Variants in RBMS3 observed in about 807,000 individuals in gnomAD.
The protein encoded by RBMS3 is RNA-binding motif, single-stranded-interacting protein 3.
A neutral mutation model predicts 66.8 loss-of-function variants in RBMS3; 27 were observed. The ratio of observed to expected loss-of-function variants is 0.40; its 90% CI spans 0.30 to 0.56. RBMS3 has a LOEUF of 0.56. Ranked by LOEUF, RBMS3 falls within the 20% of genes least tolerant of loss-of-function variation. RBMS3 has a pLI of 0.40. For synonymous variants in RBMS3, 188 were observed against 183.0 expected (o/e 1.03, Z -0.22); for missense variants, 513 against 549.5 (o/e 0.93, Z 0.66).
chr3:29,546,361 G>A (rs2045949147), intron 3 of RBMS3, among the ~76,000 whole-genome samples: 1 of 152,058 alleles, frequency 6.6e-6, no homozygotes, highest in Admixed American at 6.6e-5. Flanking sequence ...AGCGCCTGTA[G>A]GTTGTGGTAT....
At chr3:29,333,416 C>G (rs62241718) in intron 1 of RBMS3, among the ~76,000 whole-genome samples, 53,090 of 151,960 alleles carry the variant, frequency 0.35, 10,292 homozygotes, top group Non-Finnish European at 0.44. Context: ...GGTGGCTTAA[C>G]AATTCATGGG....
intron 4 of RBMS3, among the ~76,000 whole-genome samples, chr3:29,731,721 A>T (rs143502980): frequency 7.9e-4 from 120 of 152,218 alleles, no homozygotes; most frequent in Non-Finnish European, 1.4e-3. Context: ...GTATGTCCTC[A>T]TTTCTTCATA....
At chr3:29,495,767 G>T (rs1265628462) in intron 3 of RBMS3, among the ~76,000 whole-genome samples, 1 of 151,972 alleles carries the variant, frequency 6.6e-6, no homozygotes, top group Non-Finnish European at 1.5e-5. Flanking sequence ...AGGAGGGCAG[G>T]ATATTATATT....
At chr3:29,924,215 A>G (rs908143088) in intron 10 of RBMS3, among the ~76,000 whole-genome samples, 44 of 152,278 alleles carry the variant, frequency 2.9e-4, no homozygotes, top group African/African-American at 1.0e-3. Context: ...TACTTTTGCC[A>G]CAACCCCACC....
chr3:29,606,193 G>C (rs9872166), intron 4 of RBMS3, among the ~76,000 whole-genome samples: 22,628 of 151,610 alleles, frequency 0.15, 1,941 homozygotes, highest in East Asian at 0.32. Context: ...CTCACTCCTA[G>C]ATTTTATTCA....
At chr3:29,719,968 C>T (rs1383901991) in intron 4 of RBMS3, among the ~76,000 whole-genome samples, 1 of 151,142 alleles carries the variant, frequency 6.6e-6, no homozygotes, top group African/African-American at 2.4e-5. Context: ...TTTTGTCTTT[C>T]CCCACTTAAA....
At chr3:29,785,508 G>A (rs762717891) in intron 6 of RBMS3, among the ~76,000 whole-genome samples, 1 of 151,872 alleles carries the variant, frequency 6.6e-6, no homozygotes, top group African/African-American at 2.4e-5. Context: ...CAAATCTGGA[G>A]GCATCACATT....
At chr3:29,311,542 C>T (rs925738262) in intron 1 of RBMS3, among the ~76,000 whole-genome samples, 2 of 151,742 alleles carry the variant, frequency 1.3e-5, no homozygotes, top group African/African-American at 2.4e-5. Context: ...GTGAATATGG[C>T]ATGTGTTCCT....
At chr3:29,310,103 C>T (rs921948256) in intron 1 of RBMS3, among the ~76,000 whole-genome samples, 3 of 151,498 alleles carry the variant, frequency 2.0e-5, no homozygotes, top group Admixed American at 6.6e-5. Context: ...GTCGAGGGGG[C>T]AGATATTGAA....
At chr3:29,391,513 A>G (rs1316451720) in intron 1 of RBMS3, among the ~76,000 whole-genome samples, 2 of 152,230 alleles carry the variant, frequency 1.3e-5, no homozygotes, top group Non-Finnish European at 2.9e-5. Flanking sequence ...GGAGATTAAG[A>G]CTTTGATTGG....
intron 2 of RBMS3, among the ~76,000 whole-genome samples, chr3:29,480,671 TACAA>T (rs1276720654): frequency 3.9e-5 from 6 of 152,072 alleles, no homozygotes; most frequent in African/African-American, 1.4e-4. Context: ...AACTGGATAA[TACAA>T]AGAAAGAAGT....
At chr3:29,597,290 T>C (rs1235332536) in intron 4 of RBMS3, among the ~76,000 whole-genome samples, 1 of 152,166 alleles carries the variant, frequency 6.6e-6, no homozygotes, top group Non-Finnish European at 1.5e-5. Flanking sequence ...ACATCTGACT[T>C]TTATTGAAAG....
intron 1 of RBMS3, among the ~76,000 whole-genome samples, chr3:29,314,993 T>C (rs933625842): frequency 4.0e-5 from 6 of 151,734 alleles, no homozygotes; most frequent in Non-Finnish European, 7.4e-5. Flanking sequence ...GCCATAAATA[T>C]AGAGCTCCAA....
At chr3:29,302,990 C>T (rs190493994) in intron 1 of RBMS3, among the ~76,000 whole-genome samples, 1 of 152,052 alleles carries the variant, frequency 6.6e-6, no homozygotes, top group Admixed American at 6.6e-5. Flanking sequence ...ATTAAGGTGA[C>T]TCTGCCTCCA....
chr3:29,878,148 A>G (rs1019485100), intron 7 of RBMS3, among the ~76,000 whole-genome samples: 2 of 152,054 alleles, frequency 1.3e-5, no homozygotes, highest in Non-Finnish European at 2.9e-5. Flanking sequence ...TTCCCAATCC[A>G]ATGAGAATCG....
intron 5 of RBMS3, among the ~76,000 whole-genome samples, chr3:29,755,045 T>A (rs2055348119): frequency 6.6e-6 from 1 of 152,200 alleles, no homozygotes; most frequent in African/African-American, 2.4e-5. Flanking sequence ...TATCTAGGAA[T>A]GAAATATGGC....
intron 4 of RBMS3, among the ~76,000 whole-genome samples, chr3:29,662,902 G>A (rs2050611310): frequency 1.3e-5 from 2 of 152,166 alleles, no homozygotes; most frequent in South Asian, 4.1e-4. Flanking sequence ...AGTATCTTTA[G>A]CTGTGAATAT....
intron 3 of RBMS3, among the ~76,000 whole-genome samples, chr3:29,524,851 T>G (rs1324366477): frequency 6.6e-6 from 1 of 152,036 alleles, no homozygotes; most frequent in African/African-American, 2.4e-5. Context: ...CTAGCAGTTT[T>G]GGACTAGCCA....
At chr3:29,679,768 G>GTATATATATA (rs34934611) in intron 4 of RBMS3, among the ~76,000 whole-genome samples, 200 of 145,406 alleles carry the variant, frequency 1.4e-3, no homozygotes, top group Middle Eastern at 0.011. Context: ...CTACTTGACT[G>GTATATATATA]TATATATATA....
Sources: allele counts gnomAD v4.1 joint callset (sites outside exome capture counted in the v4.1 genomes callset), GRCh38; gene constraint gnomAD v4.1.1; transcripts MANE v1.5; gene names NCBI Gene and HGNC (gene_info 2026-07-23, HGNC 2026-07-21).